Variants in CTNNA2 observed in about 807,000 individuals in gnomAD.
CTNNA2 encodes catenin alpha 2, also known as catenin alpha-2.
In CTNNA2, 42 loss-of-function variants were observed where a neutral mutation model predicts 101.0. The observed-to-expected ratio is 0.42, with a 90% CI of 0.32 to 0.54. The LOEUF (loss-of-function observed/expected upper bound fraction) is 0.54, where lower values mean the gene tolerates loss of function less well. CTNNA2 is among the 20% of genes least tolerant of loss of function. CTNNA2 has a pLI of 0.14. For synonymous variants in CTNNA2, 450 were observed against 456.4 expected, an observed-to-expected ratio of 0.99 and a Z score of 0.18; for missense variants, 871 against 1,223.1, an observed-to-expected ratio of 0.71 and a Z score of 4.29.
chr2:79,920,631 G>T (rs889220395), intron 7 of CTNNA2, among the ~76,000 whole-genome samples: 1 of 152,260 alleles, frequency 6.6e-6, no homozygotes, highest in Admixed American at 6.5e-5. Context: ...TTCTTTCTCT[G>T]CTCTACTACC....
At chr2:79,244,534 C>G (rs1358555892) in intron 2 of CTNNA2, among the ~76,000 whole-genome samples, 2 of 152,158 alleles carry the variant, frequency 1.3e-5, no homozygotes, top group Non-Finnish European at 2.9e-5. Context: ...CAGCTACCCA[C>G]AGAAGCTATG....
At chr2:79,362,094 C>T (rs1677644150) in intron 3 of CTNNA2, among the ~76,000 whole-genome samples, 1 of 152,080 alleles carries the variant, frequency 6.6e-6, no homozygotes, top group Non-Finnish European at 1.5e-5. Flanking sequence ...AGCAAATGTC[C>T]CATCTGGAGC....
At chr2:80,150,811 A>G (rs1200582745) in intron 7 of CTNNA2, among the ~76,000 whole-genome samples, 1 of 152,224 alleles carries the variant, frequency 6.6e-6, no homozygotes, top group African/African-American at 2.4e-5. Context: ...ACACTGACAC[A>G]GTACACTTTT....
At chr2:79,708,277 C>G (rs953154172) in intron 2 of CTNNA2, among the ~76,000 whole-genome samples, 2 of 152,196 alleles carry the variant, frequency 1.3e-5, no homozygotes, top group Admixed American at 1.3e-4. Context: ...GCTTTTATCT[C>G]TTTGATTACA....
intron 4 of CTNNA2, among the ~76,000 whole-genome samples, chr2:79,378,472 G>T (rs1678003377): frequency 6.6e-6 from 1 of 152,108 alleles, no homozygotes; most frequent in Non-Finnish European, 1.5e-5. Flanking sequence ...TTGTCATGTG[G>T]ATAGCCACTA....
chr2:79,597,281 G>C (rs949204131), intron 1 of CTNNA2, among the ~76,000 whole-genome samples: 4 of 151,926 alleles, frequency 2.6e-5, no homozygotes, highest in Non-Finnish European at 5.9e-5. Flanking sequence ...GACCATCCTG[G>C]CTAACATGGT....
At chr2:79,382,921 A>G (rs151238006) in intron 4 of CTNNA2, among the ~76,000 whole-genome samples, 3 of 152,330 alleles carry the variant, frequency 2.0e-5, no homozygotes, top group Admixed American at 2.0e-4. Flanking sequence ...GCCATAAACT[A>G]TTAAATTTTA....
chr2:79,450,776 C>T (rs1670735284), intron 4 of CTNNA2, among the ~76,000 whole-genome samples: 1 of 151,944 alleles, frequency 6.6e-6, no homozygotes, highest in Non-Finnish European at 1.5e-5. Flanking sequence ...ATCTAAAGAC[C>T]AAAACACTTC....
chr2:80,155,780 A>G (rs1028641136), intron 7 of CTNNA2, among the ~76,000 whole-genome samples: 1 of 151,784 alleles, frequency 6.6e-6, no homozygotes, highest in Non-Finnish European at 1.5e-5. Context: ...TTAAAATTCT[A>G]TTGGCATTTT....
chr2:80,300,464 C>A (rs1398060109), intron 7 of CTNNA2, among the ~76,000 whole-genome samples: 5 of 152,064 alleles, frequency 3.3e-5, no homozygotes, highest in Non-Finnish European at 7.4e-5. Flanking sequence ...CTACCACCAA[C>A]CCTTAGCTTA....
chr2:80,138,958 C>T (rs996934506), intron 7 of CTNNA2, among the ~76,000 whole-genome samples: 4 of 152,108 alleles, frequency 2.6e-5, no homozygotes, highest in African/African-American at 9.7e-5. Flanking sequence ...ACCTCAATTT[C>T]CATGTTGACT....
At chr2:80,462,754 C>T (rs975621698) in intron 9 of CTNNA2, among the ~76,000 whole-genome samples, 1 of 149,016 alleles carries the variant, frequency 6.7e-6, no homozygotes, top group Non-Finnish European at 1.5e-5. Flanking sequence ...ACATGGTTTG[C>T]AAGCATCCAG....
rs116174190 is a variant in CTNNA2, at chr2:80,296,787, C to T, written c.1057-96424C>T. ...TGCTTGTAGGATGTTTCACAGTATCCAGACATCTACCTACTGGATACCAGT... is the reference window on the plus strand; with the variant it reads ...TGCTTGTAGGATGTTTCACAGTATCTAGACATCTACCTACTGGATACCAGT... On this transcript the variant is annotated intron_variant, in intron 7 of 18. Coordinates refer to ENST00000402739, the MANE Select transcript of CTNNA2 (RefSeq NM_001282597.3). Among the ~76,000 whole-genome samples the T allele has an allele frequency of 2.7e-3, 411 of 152,178 alleles. 3 individuals are homozygous for T. Among genetic ancestry groups the T allele is most frequent in the African/African-American group, 9.3e-3 (385 of 41,526 alleles).
chr2:79,374,267 T>C lies in CTNNA2; in HGVS notation c.-135+254T>C, dbSNP rs143379187. 8.1e-3 allele frequency among the ~76,000 whole-genome samples: 1,229 copies of C among 152,210 alleles called. 15 individuals are homozygous for C. Among genetic ancestry groups the C allele is most frequent in the East Asian group, 0.032 (165 of 5,172 alleles). On this transcript the variant is annotated intron_variant, in intron 4 of 21. Transcript: ENST00000466387. ...GCATACCTTCCCCTGTCTCTAACCC[T>C]CTTGTTTTCTAAAATTAACATCTCT...
chr2:79,478,518 T>G (rs895636143), intron 4 of CTNNA2, among the ~76,000 whole-genome samples: 2 of 152,164 alleles, frequency 1.3e-5, no homozygotes, highest in African/African-American at 4.8e-5. Context: ...TAAGCTATGA[T>G]GGGAATGAGA....
intron 3 of CTNNA2, among the ~76,000 whole-genome samples, chr2:79,775,550 T>C (rs1281916513): frequency 2.6e-5 from 4 of 152,182 alleles, no homozygotes; most frequent in Non-Finnish European, 2.9e-5. Context: ...GGTGGTTTGC[T>C]GCACCTATCA....
At chr2:79,750,309 A>C (rs970435069) in intron 3 of CTNNA2, among the ~76,000 whole-genome samples, 2 of 152,182 alleles carry the variant, frequency 1.3e-5, no homozygotes, top group African/African-American at 2.4e-5. Flanking sequence ...GAAGATCTTG[A>C]AATCTTTATG....
chr2:80,462,637 T>C (rs1359008094), intron 9 of CTNNA2, among the ~76,000 whole-genome samples: 1 of 141,756 alleles, frequency 7.1e-6, no homozygotes, highest in Non-Finnish European at 1.5e-5. Context: ...CTTTCTTTTT[T>C]TTTTTTTTTT....
intron 17 of CTNNA2, among the ~76,000 whole-genome samples, chr2:80,609,946 T>G (rs1304103680): frequency 6.6e-6 from 1 of 151,712 alleles, no homozygotes; most frequent in Non-Finnish European, 1.5e-5. Context: ...ATCACTGGCT[T>G]TTATCACTTG....
Sources: gnomAD v4.1 joint callset for allele counts (sites outside exome capture counted in the v4.1 genomes callset) on GRCh38, gnomAD v4.1.1 for gene constraint, MANE v1.5 for transcripts, NCBI Gene and HGNC (gene_info 2026-07-23, HGNC 2026-07-21) for gene names.